The following TMEM50B variants were observed in gnomAD, a reference collection of about 807,000 sequenced individuals.
TMEM50B encodes HCV p7-trans-regulated protein 3.
TMEM50B carries 14 observed loss-of-function variants against 23.4 expected under a neutral mutation model. The observed-to-expected ratio is 0.60, with a 90% CI of 0.39 to 0.93. The LOEUF is 0.93. Among genes scored for constraint, TMEM50B ranks in the 40% least tolerant of loss-of-function variants. The pLI is 0.00. For missense variants in TMEM50B, 159 were observed against 193.0 expected, an observed-to-expected ratio of 0.82 and a Z score of 1.04; for synonymous variants, 64 against 62.3, an observed-to-expected ratio of 1.03 and a Z score of -0.13.
At chr21:33,433,918 G>C (rs144491775) in intron 8 of TMEM50B, among the ~76,000 whole-genome samples, 2 of 152,078 alleles carry the variant, frequency 1.3e-5, no homozygotes. Flanking sequence ...AAGTGGCCTG[G>C]CTGGAGGACG....
At chr21:33,467,857 T>G (rs545908569) in intron 2 of TMEM50B, among the ~76,000 whole-genome samples, 51 of 152,202 alleles carry the variant, frequency 3.4e-4, no homozygotes, top group African/African-American at 1.2e-3. Context: ...GATGAATTTT[T>G]AAAATGTAAA....
At chr21:33,475,726 G>C (rs1381565145) in intron 1 of TMEM50B, among the ~76,000 whole-genome samples, 1 of 152,006 alleles carries the variant, frequency 6.6e-6, no homozygotes, top group Non-Finnish European at 1.5e-5. Context: ...AGGCCAAGGT[G>C]GGCAGATCAT....
At chr21:33,473,012 T>C (rs1194252354) in intron 1 of TMEM50B, among the ~76,000 whole-genome samples, 2 of 151,844 alleles carry the variant, frequency 1.3e-5, no homozygotes, top group African/African-American at 4.8e-5. Context: ...AAACCAGAGA[T>C]ACAGAGAAAC....
intron 6 of TMEM50B, among the ~76,000 whole-genome samples, chr21:33,451,479 G>A (rs2084119490): frequency 6.6e-6 from 1 of 152,174 alleles, no homozygotes; most frequent in African/African-American, 2.4e-5. Context: ...AGTATCCTCA[G>A]AGTGAAACAT....
chr21:33,467,903 G>A (rs989215685), intron 2 of TMEM50B, among the ~76,000 whole-genome samples: 5 of 152,058 alleles, frequency 3.3e-5, no homozygotes, highest in African/African-American at 9.7e-5. Flanking sequence ...AATGCTGTGG[G>A]AGCCAGGAAT....
At chr21:33,456,664 T>A (rs1345585338) in intron 5 of TMEM50B, among the ~76,000 whole-genome samples, 1 of 152,162 alleles carries the variant, frequency 6.6e-6, no homozygotes, top group African/African-American at 2.4e-5. Flanking sequence ...GACCCAGGTT[T>A]GAATCCTATC....
intron 7 of TMEM50B, among the ~76,000 whole-genome samples, chr21:33,440,645 G>A (rs896536128): frequency 6.6e-6 from 1 of 151,380 alleles, no homozygotes; most frequent in Non-Finnish European, 1.5e-5. Flanking sequence ...AACTTTGGGA[G>A]GCTGAGGCAG....
intron 8 of TMEM50B, among the ~76,000 whole-genome samples, chr21:33,433,335 A>C (rs547752966): frequency 2.0e-5 from 3 of 152,188 alleles, no homozygotes; most frequent in South Asian, 2.1e-4. Context: ...GACACGATTC[A>C]CAACAGCCAA....
At chr21:33,436,865 TGGACAA>T (rs2083959206) in intron 8 of TMEM50B, 6 of 1,614,040 alleles carry the variant, frequency 3.7e-6, no homozygotes, top group Non-Finnish European at 4.2e-6. Context: ...TTAGAGGCCT[TGGACAA>T]GGACAGCTCA....
At chr21:33,463,790 T>TGC (rs1418136327) in intron 4 of TMEM50B, among the ~76,000 whole-genome samples, 1 of 152,076 alleles carries the variant, frequency 6.6e-6, no homozygotes, top group East Asian at 1.9e-4. Context: ...CAGCAGCATG[T>TGC]GCCTATAATC....
At chr21:33,470,357 G>A (rs147611526) in intron 1 of TMEM50B, among the ~76,000 whole-genome samples, 325 of 139,924 alleles carry the variant, frequency 2.3e-3, no homozygotes, top group African/African-American at 4.2e-3. Context: ...CCCGGGAGGC[G>A]AAGGTTGCAG....
chr21:33,438,340 T>A (rs2083977295), intron 8 of TMEM50B, among the ~76,000 whole-genome samples: 1 of 152,212 alleles, frequency 6.6e-6, no homozygotes, highest in Non-Finnish European at 1.5e-5. Context: ...ACATTAGCAC[T>A]TCATTTATAT....
intron 1 of TMEM50B, 105 bp from the exon 2 acceptor site, chr21:33,469,031 C>T (rs2084289206): frequency 9.4e-6 from 6 of 638,176 alleles, no homozygotes; most frequent in Non-Finnish European, 1.6e-5. Flanking sequence ...ACTTTAGGTC[C>T]TATTCTACTA....
intron 1 of TMEM50B, among the ~76,000 whole-genome samples, chr21:33,479,627 A>G (rs1345754411): frequency 1.3e-5 from 2 of 152,090 alleles, no homozygotes; most frequent in African/African-American, 4.8e-5. Context: ...GCCCGAAGGG[A>G]CGCGGGCAGG....
chr21:33,443,399 CATT>C (rs879521064), intron 7 of TMEM50B, among the ~76,000 whole-genome samples: 19,982 of 152,034 alleles, frequency 0.13, 1,378 homozygotes, highest in Admixed American at 0.18. Flanking sequence ...GCTGTGGGTA[CATT>C]CCTGTAGGCT....
At chr21:33,447,664 C>T (rs1478163321), downstream of TMEM50B, among the ~76,000 whole-genome samples, 1 of 142,552 alleles carries the variant, frequency 7.0e-6, no homozygotes, top group Admixed American at 7.4e-5. Flanking sequence ...GTCAAGTCAA[C>T]GTCTTGTGTA....
At position 33,449,866 on chromosome 21, in the gene TMEM50B, C is replaced by T. The variant is rs1312438597; in HGVS notation, c.*952G>A. ...TATTTGAAGCTGCTTTTACGAGAAG[C>T]ATGGTGCTGAGCTGCCTTACACAGT... On this transcript the variant is annotated 3_prime_UTR_variant, in exon 7 of 7. Coordinates refer to ENST00000542230, the MANE Select transcript of TMEM50B (RefSeq NM_006134.7). 1.3e-5 allele frequency: 2 copies of T among 152,586 alleles called. No homozygotes were observed. The highest frequency in any genetic ancestry group is 3.8e-4 in the East Asian group (2 of 5,198). The allele number at this position is 152,586 out of a possible 1,614,324, so 9.5% of individuals were successfully genotyped here.
At chr21:33,460,316 G>A (rs1156731150) in intron 5 of TMEM50B, 97 bp downstream of exon 5, 1 of 780,508 alleles carries the variant, frequency 1.3e-6, no homozygotes, top group Non-Finnish European at 2.2e-6. Context: ...CAATCTAAGT[G>A]AACAATTATA....
Position 33,436,725 on chromosome 21 carries a change from A to T in TMEM50B, c.*2120+2489T>A. The T allele has an allele frequency of 9.3e-6, 9 of 964,622 alleles. No individual in the cohort carries two copies. The South Asian group carries it at 1.4e-4, about 15-fold the overall frequency. The allele number at this position is 964,622 out of a possible 1,614,324, so 59.8% of individuals were successfully genotyped here. ...CAAGAGTAAGACTCCATCTCAAAAA[A>T]AAAATAAAAATAAAAATAAAATAAA... On this transcript the variant is annotated intron_variant and NMD_transcript_variant, in intron 8 of 8. Coordinates refer to the TMEM50B transcript ENST00000420455.
Sources: allele counts gnomAD v4.1 joint callset (sites outside exome capture counted in the v4.1 genomes callset), GRCh38; gene constraint gnomAD v4.1.1; transcripts MANE v1.5; gene names NCBI Gene and HGNC (gene_info 2026-07-23, HGNC 2026-07-21).